Variants in THOP1 observed in about 807,000 individuals in gnomAD.
THOP1 encodes thimet oligopeptidase 1.
In THOP1, 49 loss-of-function variants were observed where a neutral mutation model predicts 71.8. The observed-to-expected ratio is 0.68, with a 90% confidence interval of 0.54 to 0.87. The LOEUF (loss-of-function observed/expected upper bound fraction) is 0.87. THOP1 is among the 40% of genes least tolerant of loss of function. THOP1 has a pLI of 0.00. For missense variants in THOP1, 843 were observed against 975.6 expected (o/e 0.86, Z 1.81); for synonymous variants, 426 against 421.5 (o/e 1.01, Z -0.13).
intron 4 of THOP1, among the ~76,000 whole-genome samples, chr19:2,798,962 T>C (rs1014691659): frequency 6.6e-6 from 1 of 152,232 alleles, no homozygotes; most frequent in African/African-American, 2.4e-5. Context: ...AGTTCCTTTG[T>C]TGATATCCCA....
chr19:2,795,912 A>T, intron 3 of THOP1, 169 bp from the exon 4 acceptor site: 1 of 559,066 alleles, frequency 1.8e-6, no homozygotes. Flanking sequence ...GAACGTTTGC[A>T]CAGGTTTTAT....
At position 2,804,979 on chromosome 19, in the gene THOP1, C is replaced by T. The variant is rs1212247494; in HGVS notation, c.590-37C>T. ...CGCTGTGTGCAGGCTGTGGGCCCAT[C>T]AGTCCTGTCAAAGCCACCCTGGTTC... is the stretch of plus-strand genomic sequence containing the variant. On this transcript the variant is annotated intron_variant, in intron 5 of 12. Transcript: ENST00000307741. The surrounding 1 kb of genome is among the most constrained non-coding windows in gnomAD (Gnocchi z 4.7). 3.8e-6 allele frequency: 6 copies of T among 1,592,832 alleles called. No individual in the cohort carries two copies. The highest frequency in any genetic ancestry group is 1.7e-5 in the Admixed American group (1 of 58,192).
At position 2,805,848 on chromosome 19, in the gene THOP1, G is replaced by T. The variant is rs1445105645; in HGVS notation, c.750+672G>T. Among the ~76,000 whole-genome samples, 1 of 147,202 alleles carries T rather than the reference G, an allele frequency of 6.8e-6. No homozygotes were observed. The highest frequency in any genetic ancestry group is 1.5e-5 in the Non-Finnish European group (1 of 66,818). On this transcript the variant is annotated intron_variant, in intron 6 of 12. Transcript: ENST00000307741. This position sits in a 1 kb window ranked among gnomAD's most constrained non-coding sequence, Gnocchi z 6.6. ...GGACGGGCGGGTGCCCATCACTGCG[G>T]GGGGACGGGCGGGTGCCCATCACTG...
At chr19:2,809,756 C>T (rs1916407824) in intron 9 of THOP1, 2 of 155,082 alleles carry the variant, frequency 1.3e-5, no homozygotes, top group South Asian at 4.0e-4. Flanking sequence ...CGGCGAGTCC[C>T]TTGGTGCATT....
intron 8 of THOP1, 36 bp from the exon 9 acceptor site, chr19:2,808,207 A>C: frequency 6.5e-7 from 1 of 1,541,812 alleles, no homozygotes; most frequent in Non-Finnish European, 8.8e-7. Context: ...CGGTGTCTCT[A>C]GTCCCTGCGG....
chr19:2,790,292 C>G (rs1915844523), intron 1 of THOP1, 129 bp from the exon 2 acceptor site: 2 of 856,464 alleles, frequency 2.3e-6, no homozygotes, highest in African/African-American at 3.4e-5. Context: ...TGCTTCCCTA[C>G]AAGAGCCCTG....
rs1250182238 is a variant in THOP1, at chr19:2,799,790, A to G, written c.588A>G (p.Leu196=). The G allele has an allele frequency of 6.2e-7, 1 of 1,613,378 alleles. No homozygotes were observed. ...TTFLPFTLQE[L]GGLPEDFLNS... ...TCCTGCCCTTCACGCTCCAGGAGCT[A>G]GGTAGGGGCCGAGCAGTGGGGCACG... Residue 196 remains leucine, a splice_region_variant and synonymous_variant, in exon 5 of 13, where the codon CTA becomes CTG. Transcript: ENST00000307741.
chr19:2,807,033 G>A lies in THOP1; in HGVS notation c.867G>A (p.Gln289=), dbSNP rs1039222515. ...VLEMNMAKTS[Q]TVATFLDELA... ...AGATGAACATGGCCAAGACCAGCCAGACCGTGGCCACCTTCCTAGGTAGCC... is the reference window on the plus strand; with the variant it reads ...AGATGAACATGGCCAAGACCAGCCAAACCGTGGCCACCTTCCTAGGTAGCC... The change falls in exon 7 of 13, where the codon CAG becomes CAA. Residue 289 remains glutamine (Q), a synonymous_variant. Transcript: ENST00000307741. 8.1e-6 allele frequency: 13 copies of A among 1,610,798 alleles called. No homozygotes were observed. Among genetic ancestry groups the A allele is most frequent in the Non-Finnish European group, 1.0e-5 (12 of 1,178,900 alleles).
intron 9 of THOP1, chr19:2,810,091 A>C: frequency 3.4e-6 from 2 of 594,696 alleles, no homozygotes; most frequent in East Asian, 5.9e-5. Flanking sequence ...TGTGGCCGGC[A>C]TCTTCAGGTG....
At chr19:2,796,321 G>A (rs1916012917) in intron 4 of THOP1, 133 bp downstream of exon 4, 1 of 690,716 alleles carries the variant, frequency 1.4e-6, no homozygotes, top group Non-Finnish European at 2.4e-6. Context: ...TGGGCTCGGG[G>A]AGTGCTCGGC....
At chr19:2,808,555 G>T in intron 9 of THOP1, 111 bp downstream of exon 9, 1 of 1,242,330 alleles carries the variant, frequency 8.0e-7, no homozygotes, top group Non-Finnish European at 1.1e-6. Flanking sequence ...GCACCCGTCC[G>T]GTGGCTCCTT....
Position 2,801,619 on chromosome 19 carries a change from G to C in THOP1, c.589+1828G>C, listed in dbSNP as rs991324457. ...AGTTCCTTTTCTTCTGCTTACAACA[G>C]AAAACCTAAGGCCATGTAGTTTATA... On this transcript the variant is annotated intron_variant, in intron 5 of 12. Coordinates refer to ENST00000307741, the MANE Select transcript of THOP1 (RefSeq NM_003249.5). The surrounding 1 kb of genome is among the most constrained non-coding windows in gnomAD (Gnocchi z 5.1). Among the ~76,000 whole-genome samples, 1 of 152,150 alleles carries C rather than the reference G, an allele frequency of 6.6e-6. No homozygotes were observed. The highest frequency in any genetic ancestry group is 2.4e-5 in the African/African-American group (1 of 41,426).
At chr19:2,803,678 G>A (rs150425812) in intron 5 of THOP1, among the ~76,000 whole-genome samples, 7 of 152,274 alleles carry the variant, frequency 4.6e-5, no homozygotes, top group Admixed American at 6.5e-5. Flanking sequence ...TGCAGGTCCC[G>A]GGAGGCCTCC....
At chr19:2,796,024 C>A in intron 3 of THOP1, 57 bp from the exon 4 acceptor site, 1 of 1,425,536 alleles carries the variant, frequency 7.0e-7, no homozygotes, top group Non-Finnish European at 9.8e-7. Flanking sequence ...TGCCAAACTG[C>A]TCTTTGGAGC....
intron 1 of THOP1, among the ~76,000 whole-genome samples, 166 bp downstream of exon 1, chr19:2,785,844 T>C (rs1915728546): frequency 6.6e-6 from 1 of 152,162 alleles, no homozygotes; most frequent in Admixed American, 6.5e-5. Context: ...GTTTGCCGAA[T>C]GAATGAACCA....
chr19:2,790,189 G>A (rs770476290), intron 1 of THOP1, among the ~76,000 whole-genome samples: 1 of 152,192 alleles, frequency 6.6e-6, no homozygotes, highest in African/African-American at 2.4e-5. Flanking sequence ...ATCTGCAACC[G>A]CGACAGCCAC....
intron 1 of THOP1, among the ~76,000 whole-genome samples, chr19:2,789,752 A>AT (rs960339920): frequency 6.9e-4 from 99 of 143,098 alleles, no homozygotes; most frequent in East Asian, 4.0e-3. Flanking sequence ...GGGCAGGGGG[A>AT]TTTTTTTTTT....
intron 12 of THOP1, among the ~76,000 whole-genome samples, chr19:2,812,876 C>CGGGAGTTTG (rs1916515312): frequency 6.6e-6 from 1 of 152,186 alleles, no homozygotes; most frequent in African/African-American, 2.4e-5. Flanking sequence ...GGAGCCACCT[C>CGGGAGTTTG]GGGAGTTTGG....
In THOP1 at chr19:2,810,648, A is replaced by G; in HGVS notation, c.1651A>G (p.Asn551Asp). 6.4e-7 allele frequency: 1 copy of G among 1,553,656 alleles called. No homozygotes were observed. The highest frequency in any genetic ancestry group is 8.7e-7 in the Non-Finnish European group (1 of 1,148,700). The change falls in exon 11 of 13, where the codon AAC (asparagine) becomes GAC (aspartate). Residue 551 changes from asparagine (N) to aspartate (D), a missense_variant. Coordinates refer to ENST00000307741, the MANE Select transcript of THOP1 (RefSeq NM_003249.5). Reference protein sequence around the residue: ...ESRQANTGLFNLRQIVLAKVD... With the variant: ...ESRQANTGLFDLRQIVLAKVD... ...CCTTCCCTCCCGCCCAGGCCTCTTC[A>G]ACCTGCGCCAGATCGTCCTCGCCAA... is the stretch of plus-strand genomic sequence containing the variant.
Sources: allele counts gnomAD v4.1 joint callset (sites outside exome capture counted in the v4.1 genomes callset), GRCh38; gene constraint gnomAD v4.1.1; non-coding constraint Gnocchi (gnomAD v3.1); transcripts MANE v1.5; gene names NCBI Gene and HGNC (gene_info 2026-07-23, HGNC 2026-07-21).